Variants in KCNMB4 observed in about 807,000 individuals in gnomAD.
KCNMB4 encodes potassium calcium-activated channel subfamily M regulatory beta subunit 4, also known as calcium-activated potassium channel subunit beta-4.
Under a neutral mutation model 20.7 loss-of-function variants are expected in KCNMB4, and 3 were observed. The observed-to-expected ratio is 0.14, with a 90% CI of 0.07 to 0.37. The LOEUF is 0.37. Ranked by LOEUF, KCNMB4 falls within the 10% of genes least tolerant of loss-of-function variation. The pLI, the probability that KCNMB4 is intolerant of heterozygous loss-of-function variation, is 1.00. For missense variants in KCNMB4, 168 were observed against 265.9 expected, an observed-to-expected ratio of 0.63 and a Z score of 2.56; for synonymous variants, 110 against 113.4, an observed-to-expected ratio of 0.97 and a Z score of 0.19.
chr12:70,417,970 A>C (rs1010850999), intron 2 of KCNMB4, among the ~76,000 whole-genome samples: 2 of 152,314 alleles, frequency 1.3e-5, no homozygotes, highest in South Asian at 4.1e-4. Flanking sequence ...CCGTGTTGCT[A>C]TGCCCCACTT....
At chr12:70,419,094 C>T (rs764611995) in intron 2 of KCNMB4, among the ~76,000 whole-genome samples, 20 of 152,072 alleles carry the variant, frequency 1.3e-4, no homozygotes, top group Middle Eastern at 3.4e-3. Flanking sequence ...CTTGTGTAGC[C>T]CTATATTATC....
intron 1 of KCNMB4, among the ~76,000 whole-genome samples, chr12:70,389,179 C>CT (rs764996264): frequency 1.3e-5 from 2 of 152,116 alleles, no homozygotes; most frequent in Non-Finnish European, 2.9e-5. Context: ...GCTCAACTTA[C>CT]TTTAACTATG....
Position 70,433,961 on chromosome 12 carries a change from T to A in KCNMB4, c.*3308T>A, listed in dbSNP as rs2136147433. The A allele has an allele frequency of 6.6e-6, 1 of 152,366 alleles. No individual in the cohort carries two copies. Among genetic ancestry groups the A allele is most frequent in the Non-Finnish European group, 1.5e-5 (1 of 68,042 alleles). 9.4% of individuals were successfully genotyped at this position (152,366 alleles called of 1,614,324 possible). A position where few individuals can be genotyped will look rare whatever the true frequency, so the allele number is the denominator to read the frequency against. On this transcript the variant is annotated 3_prime_UTR_variant, in exon 3 of 3. Transcript: ENST00000258111. ...AGAGACTGAAAAATATACGCTTTTATAGGCCGGGGTTTTAGTTCATTTGAC... is the reference window on the plus strand; with the variant it reads ...AGAGACTGAAAAATATACGCTTTTAAAGGCCGGGGTTTTAGTTCATTTGAC...
chr12:70,418,626 C>T (rs1201441895), intron 2 of KCNMB4, among the ~76,000 whole-genome samples: 1 of 151,978 alleles, frequency 6.6e-6, no homozygotes, highest in Non-Finnish European at 1.5e-5. Context: ...TTAATCCTTC[C>T]AGAGTTTGTT....
chr12:70,370,218 T>C lies in KCNMB4; in HGVS notation c.336+3148T>C, dbSNP rs143203339. 2.4e-3 allele frequency among the ~76,000 whole-genome samples: 368 copies of C among 152,180 alleles called. 1 individual carries two copies. Among genetic ancestry groups the C allele is most frequent in the African/African-American group, 8.6e-3 (357 of 41,564 alleles). ...CATCTGCTGTGCAAGAAAAACAACC[T>C]GAGAACCAAAAAGGAGTCATTGTGA... is the stretch of plus-strand genomic sequence containing the variant. On this transcript the variant is annotated intron_variant, in intron 1 of 2. Transcript: ENST00000258111.
At chr12:70,405,502 T>C (rs545038162) in intron 2 of KCNMB4, among the ~76,000 whole-genome samples, 21 of 152,168 alleles carry the variant, frequency 1.4e-4, no homozygotes, top group Non-Finnish European at 2.9e-4. Flanking sequence ...TTGGTGAGGA[T>C]ACGGACAAAT....
intron 2 of KCNMB4, among the ~76,000 whole-genome samples, chr12:70,417,011 C>T (rs1176685844): frequency 2.6e-5 from 4 of 152,210 alleles, no homozygotes; most frequent in Admixed American, 2.0e-4. Flanking sequence ...ACTTTCCCTT[C>T]ACCCAGGATA....
chr12:70,368,188 C>A (rs911907520), intron 1 of KCNMB4, among the ~76,000 whole-genome samples: 9 of 152,094 alleles, frequency 5.9e-5, no homozygotes, highest in African/African-American at 2.2e-4. Flanking sequence ...GGAAAACTTT[C>A]TGTTAACTCT....
chr12:70,368,838 A>T (rs1883541053), intron 1 of KCNMB4, among the ~76,000 whole-genome samples: 1 of 152,184 alleles, frequency 6.6e-6, no homozygotes, highest in South Asian at 2.1e-4. Context: ...TTACAAAAAG[A>T]CTGCTTCACA....
At chr12:70,427,624 C>G (rs2136144508) in intron 2 of KCNMB4, among the ~76,000 whole-genome samples, 1 of 152,294 alleles carries the variant, frequency 6.6e-6, no homozygotes, top group Middle Eastern at 3.4e-3. Flanking sequence ...TCCAAGCGCT[C>G]TGGTAGGAGG....
chr12:70,385,044 A>G (rs1432615632), intron 1 of KCNMB4, among the ~76,000 whole-genome samples: 1 of 152,266 alleles, frequency 6.6e-6, no homozygotes, highest in Middle Eastern at 3.4e-3. Context: ...TTCCAAGCAG[A>G]TATTATTGAT....
At position 70,429,915 on chromosome 12, in the gene KCNMB4, G is replaced by A. The variant is rs373031; in HGVS notation, c.465-570G>A. ...ATTTCACCCAGAAGCATGGAAAAAGGCACTCATTCAGCCATTGTCTGCTTA... is the reference window on the plus strand; with the variant it reads ...ATTTCACCCAGAAGCATGGAAAAAGACACTCATTCAGCCATTGTCTGCTTA... On this transcript the variant is annotated intron_variant, in intron 2 of 2. Coordinates refer to ENST00000258111, the MANE Select transcript of KCNMB4 (RefSeq NM_014505.6). 4.4e-3 allele frequency among the ~76,000 whole-genome samples: 664 copies of A among 152,204 alleles called. 4 individuals carry two copies. The highest frequency in any genetic ancestry group is 0.015 in the African/African-American group (617 of 41,526).
At chr12:70,401,874 C>T (rs1420561543) in intron 2 of KCNMB4, among the ~76,000 whole-genome samples, 2 of 152,006 alleles carry the variant, frequency 1.3e-5, no homozygotes, top group Non-Finnish European at 2.9e-5. Flanking sequence ...AGGTAGGCCT[C>T]GGCTCTGGAA....
intron 1 of KCNMB4, among the ~76,000 whole-genome samples, chr12:70,374,855 A>G (rs1328485737): frequency 1.3e-5 from 2 of 150,008 alleles, no homozygotes; most frequent in African/African-American, 4.9e-5. Flanking sequence ...GCAGCAGCAT[A>G]TATTGATATT....
At chr12:70,426,443 T>C (rs894193943) in intron 2 of KCNMB4, among the ~76,000 whole-genome samples, 1 of 152,222 alleles carries the variant, frequency 6.6e-6, no homozygotes, top group African/African-American at 2.4e-5. Flanking sequence ...GAAGTGCACA[T>C]AAGAATCATC....
At chr12:70,393,413 G>T (rs142516072) in intron 1 of KCNMB4, among the ~76,000 whole-genome samples, 127 of 152,176 alleles carry the variant, frequency 8.3e-4, no homozygotes, top group African/African-American at 2.2e-3. Flanking sequence ...ATCTTGGCCA[G>T]CCTGATCTTG....
At chr12:70,391,654 G>A (rs1868300426) in intron 1 of KCNMB4, among the ~76,000 whole-genome samples, 1 of 152,150 alleles carries the variant, frequency 6.6e-6, no homozygotes, top group African/African-American at 2.4e-5. Flanking sequence ...ACACAGAGAA[G>A]AATATAGTCT....
intron 2 of KCNMB4, among the ~76,000 whole-genome samples, chr12:70,410,235 A>G (rs777013114): frequency 3.3e-5 from 5 of 152,230 alleles, no homozygotes; most frequent in Non-Finnish European, 7.3e-5. Flanking sequence ...AGGAGATGGC[A>G]TGTGCCTAAC....
In KCNMB4 at chr12:70,430,434, G is replaced by A. The variant is rs530428100; in HGVS notation, c.465-51G>A. ...GCTTTAGGTTGTAAAGAGTTTTTCA[G>A]TGCCAAGGCATTTGACTGCCCTTTC... On this transcript the variant is annotated intron_variant, in intron 2 of 2. Coordinates refer to ENST00000258111, the MANE Select transcript of KCNMB4 (RefSeq NM_014505.6). 24 of 1,597,666 alleles carry A rather than the reference G, an allele frequency of 1.5e-5. No homozygotes were observed. In the South Asian group the frequency reaches 2.7e-4, roughly 18 times the overall value.
Sources: allele counts gnomAD v4.1 joint callset (sites outside exome capture counted in the v4.1 genomes callset), GRCh38; gene constraint gnomAD v4.1.1; transcripts MANE v1.5; gene names NCBI Gene and HGNC (gene_info 2026-07-23, HGNC 2026-07-21).